The following LYPLA1 variants were observed in gnomAD, a reference collection of about 807,000 sequenced individuals.
LYPLA1 encodes the protein acyl-protein thioesterase 1.
A neutral mutation model predicts 34.0 loss-of-function variants in LYPLA1; 17 were observed. That is an observed-to-expected ratio of 0.50 (90% CI 0.34 to 0.75). The LOEUF (loss-of-function observed/expected upper bound fraction) is 0.75. Ranked by LOEUF, LYPLA1 falls within the 30% of genes least tolerant of loss-of-function variation. The probability of loss-of-function intolerance (pLI) is 0.01; values close to 1 mark genes in which losing one functional copy is unlikely to be tolerated. For missense variants in LYPLA1, 203 were observed against 288.8 expected (o/e 0.70, Z 2.15); for synonymous variants, 98 against 100.8 (o/e 0.97, Z 0.17).
chr8:54,048,743 A>G (rs1343091756), intron 8 of LYPLA1, among the ~76,000 whole-genome samples: 1 of 152,188 alleles, frequency 6.6e-6, no homozygotes, highest in Non-Finnish European at 1.5e-5. Flanking sequence ...TTAGCCTCAC[A>G]GTGCCAAATA....
rs113635068 is a variant in LYPLA1, at chr8:54,087,792, G to C, written c.101+13116C>G. ...TGTTCTCCGGTGCCGTAAAGAAACA[G>C]CACTTGAACATAAATTTAATTTATT... On this transcript the variant is annotated intron_variant, in intron 2 of 8. Transcript: ENST00000316963. Among the ~76,000 whole-genome samples, 682 of 152,294 alleles carry C rather than the reference G, an allele frequency of 4.5e-3. 7 individuals are homozygous for C. Among genetic ancestry groups the C allele is most frequent in the Admixed American group, 0.015 (234 of 15,298 alleles).
intron 2 of LYPLA1, among the ~76,000 whole-genome samples, chr8:54,086,437 T>TA (rs1808774324): frequency 6.1e-5 from 2 of 32,732 alleles, no homozygotes; most frequent in Non-Finnish European, 1.0e-4. Context: ...ACTAAAAAAA[T>TA]TAAAAAAAAA....
chr8:54,045,736 A>C (rs772909184), downstream of LYPLA1: 1 of 152,206 alleles, frequency 6.6e-6, no homozygotes, highest in African/African-American at 2.4e-5. Context: ...CTGACTTATG[A>C]CACTAATTTA....
chr8:54,058,627 T>C (rs903680909), intron 5 of LYPLA1, among the ~76,000 whole-genome samples: 1 of 151,924 alleles, frequency 6.6e-6, no homozygotes, highest in Non-Finnish European at 1.5e-5. Context: ...TCTCTCTCTC[T>C]CTCTCTCTCA....
chr8:54,097,506 T>C (rs1809780476), intron 2 of LYPLA1, among the ~76,000 whole-genome samples: 1 of 152,216 alleles, frequency 6.6e-6, no homozygotes, highest in Admixed American at 6.5e-5. Context: ...AGGATATTAA[T>C]GGAACAATCT....
chr8:54,101,878 C>A lies in LYPLA1; in HGVS notation c.-55G>T, dbSNP rs1220997749. ...AGGAAGAGCGGGCGCCCGGCCGCGG[C>A]CCAAGGGCGTGCGAGCGGCGAGTCC... On this transcript the variant is annotated 5_prime_UTR_variant, in exon 1 of 9. Coordinates refer to ENST00000316963, the MANE Select transcript of LYPLA1 (RefSeq NM_006330.4). 3.7e-5 allele frequency: 41 copies of A among 1,119,442 alleles called. No individual in the cohort carries two copies. The highest frequency in any genetic ancestry group is 2.3e-6 in the Non-Finnish European group (2 of 887,800). 69.3% of individuals were successfully genotyped at this position (1,119,442 alleles called of 1,614,324 possible).
intron 3 of LYPLA1, among the ~76,000 whole-genome samples, chr8:54,064,746 T>C (rs1806923089): frequency 6.6e-6 from 1 of 152,172 alleles, no homozygotes; most frequent in African/African-American, 2.4e-5. Flanking sequence ...AAATCAAGGG[T>C]GTCCAATCAT....
At chr8:54,073,042 T>A in intron 2 of LYPLA1, 1 of 478,142 alleles carries the variant, frequency 2.1e-6, no homozygotes, top group Non-Finnish European at 3.9e-6. Flanking sequence ...CAAAATACCA[T>A]CTCACAGCAG....
rs1805501723 is a variant in LYPLA1, at chr8:54,046,555, T to C, written c.*1510A>G. ...TAAAGAAAAATGACATAGTAAATGA[T>C]TGTTTAAAATTTTTAAATCCAGACA... On this transcript the variant is annotated 3_prime_UTR_variant, in exon 9 of 9. Transcript: ENST00000316963. 2 of 152,616 alleles carry C rather than the reference T, an allele frequency of 1.3e-5. No homozygotes were observed. The highest frequency in any genetic ancestry group is 4.8e-5 in the African/African-American group (2 of 41,464). The allele number at this position is 152,616 out of a possible 1,614,324, so 9.5% of individuals were successfully genotyped here. A position where few individuals can be genotyped will look rare whatever the true frequency, so the allele number is the denominator to read the frequency against.
At chr8:54,074,759 A>T (rs1026928421) in intron 2 of LYPLA1, among the ~76,000 whole-genome samples, 6 of 152,076 alleles carry the variant, frequency 3.9e-5, no homozygotes, top group Non-Finnish European at 8.8e-5. Flanking sequence ...TTGGAACCTA[A>T]CTCTCTTTGG....
intron 5 of LYPLA1, among the ~76,000 whole-genome samples, chr8:54,061,354 T>G (rs1029537406): frequency 1.3e-5 from 2 of 152,234 alleles, no homozygotes; most frequent in Non-Finnish European, 2.9e-5. Flanking sequence ...GTGCTGGGAT[T>G]AAAGGCGTGA....
rs1810198131 is a variant in LYPLA1, at chr8:54,101,903, C to A, written c.-80G>T. 9.4e-6 allele frequency: 8 copies of A among 851,942 alleles called. No homozygotes were observed. Among genetic ancestry groups the A allele is most frequent in the Admixed American group, 5.1e-5 (1 of 19,706 alleles). The allele number at this position is 851,942 out of a possible 1,614,324, so 52.8% of individuals were successfully genotyped here. A position where few individuals can be genotyped will look rare whatever the true frequency, so the allele number is the denominator to read the frequency against. On this transcript the variant is annotated 5_prime_UTR_variant, in exon 1 of 9. Coordinates refer to ENST00000316963, the MANE Select transcript of LYPLA1 (RefSeq NM_006330.4). ...CCCAAGGGCGTGCGAGCGGCGAGTC[C>A]CGGCCGGCCCCACCGGGCGCACGCT...
chr8:54,087,413 G>T (rs1023084351), intron 2 of LYPLA1, among the ~76,000 whole-genome samples: 1 of 152,130 alleles, frequency 6.6e-6, no homozygotes, highest in Non-Finnish European at 1.5e-5. Flanking sequence ...CAGAAGAATC[G>T]CTGGAACCCA....
intron 2 of LYPLA1, among the ~76,000 whole-genome samples, chr8:54,099,693 A>ATT (rs534394841): frequency 2.1e-5 from 3 of 143,496 alleles, no homozygotes; most frequent in East Asian, 4.0e-4. Flanking sequence ...GCCTAATGGC[A>ATT]TTTTTTTTTT....
At position 54,047,853 on chromosome 8, in the gene LYPLA1, T is replaced by A; in HGVS notation, c.*212A>T. The A allele has an allele frequency of 2.4e-6, 1 of 414,296 alleles. No homozygotes were observed. The highest frequency in any genetic ancestry group is 7.8e-5 in the South Asian group (1 of 12,856). 25.7% of individuals were successfully genotyped at this position (414,296 alleles called of 1,614,324 possible). A position where few individuals can be genotyped will look rare whatever the true frequency, so the allele number is the denominator to read the frequency against. On this transcript the variant is annotated 3_prime_UTR_variant, in exon 9 of 9. Coordinates refer to ENST00000316963, the MANE Select transcript of LYPLA1 (RefSeq NM_006330.4). ...GCTTCATCTATTCTAATATAGTAGA[T>A]CCTGGGTCGTCTTATAAGAATACAT...
intron 2 of LYPLA1, among the ~76,000 whole-genome samples, chr8:54,075,143 C>A (rs894654316): frequency 2.0e-5 from 3 of 152,178 alleles, no homozygotes; most frequent in Admixed American, 6.5e-5. Context: ...GCAACTGAAC[C>A]TAGCATTATT....
At chr8:54,056,344 C>T (rs11992220) in intron 5 of LYPLA1, among the ~76,000 whole-genome samples, 8,546 of 152,066 alleles carry the variant, frequency 0.056, 783 homozygotes, top group African/African-American at 0.19. Flanking sequence ...GAAACTACTA[C>T]GAGAAAAAAT....
rs1009412724 is a variant in LYPLA1 at position 54,047,240 on chromosome 8, T to A, written c.*825A>T. ...ACAGTAATTCGAAATAAGTAGTGCA[T>A]GAAGTTTTAATGTCTGGTTTCTCTA... On this transcript the variant is annotated 3_prime_UTR_variant, in exon 9 of 9. Transcript: ENST00000316963. The A allele has an allele frequency of 1.1e-4, 16 of 152,304 alleles. No individual in the cohort carries two copies. The highest frequency in any genetic ancestry group is 3.8e-4 in the African/African-American group (16 of 41,592). 9.4% of individuals were successfully genotyped at this position (152,304 alleles called of 1,614,324 possible).
At chr8:54,068,306 A>G (rs540144816) in intron 2 of LYPLA1, among the ~76,000 whole-genome samples, 1 of 152,340 alleles carries the variant, frequency 6.6e-6, no homozygotes, top group African/African-American at 2.4e-5. Context: ...AAATTGATCT[A>G]TGGAGTCAAT....
Sources: allele counts gnomAD v4.1 joint callset (sites outside exome capture counted in the v4.1 genomes callset), GRCh38; gene constraint gnomAD v4.1.1; transcripts MANE v1.5; gene names NCBI Gene and HGNC (gene_info 2026-07-23, HGNC 2026-07-21).